Variants in SYTL5 observed in about 807,000 individuals in gnomAD.
The protein encoded by SYTL5 is synaptotagmin-like protein 5.
In SYTL5, 34 loss-of-function variants were observed where a neutral mutation model predicts 55.9. The ratio of observed to expected loss-of-function variants is 0.61; its 90% CI spans 0.46 to 0.81. The LOEUF (loss-of-function observed/expected upper bound fraction) is 0.81. Among genes scored for constraint, SYTL5 ranks in the 30% least tolerant of loss-of-function variants. The pLI, the probability that SYTL5 is intolerant of heterozygous loss-of-function variation, is 0.00. For missense variants in SYTL5, 637 were observed against 546.7 expected (o/e 1.17, Z -1.65); for synonymous variants, 221 against 188.7 (o/e 1.17, Z -1.40).
chrX:37,928,756 C>T, the SYTL5 span, among the ~76,000 whole-genome samples: 5 of 112,189 alleles, frequency 4.5e-5, no homozygotes, highest in Non-Finnish European at 9.4e-5. Flanking sequence ...ATTATAATAA[C>T]TCATCCCTGA....
At position 38,125,515 on chromosome X, in the gene SYTL5, T is replaced by C. The variant is rs377379434; in HGVS notation, c.2050+9T>C. On this transcript the variant is annotated intron_variant, in intron 16 of 16. Transcript: ENST00000297875. ...TTTGAATTCTGGAAGTGGTGAGGGATTTGGGGACCCACAGGGATGGTCTGT... is the reference window on the plus strand; with the variant it reads ...TTTGAATTCTGGAAGTGGTGAGGGACTTGGGGACCCACAGGGATGGTCTGT... 3.3e-6 allele frequency: 4 copies of C among 1,199,741 alleles called. No homozygotes were observed. The African/African-American group carries it at 5.3e-5, about 16-fold the overall frequency.
At chrX:38,089,330 G>A in intron 6 of SYTL5, 116 bp from the exon 7 acceptor site, 1 of 835,705 alleles carries the variant, frequency 1.2e-6, no homozygotes, top group Non-Finnish European at 1.7e-6. Flanking sequence ...TGTGACTCTT[G>A]TGAACTCAGT....
At chrX:37,910,052 G>A in the SYTL5 span, among the ~76,000 whole-genome samples, 2 of 111,398 alleles carry the variant, frequency 1.8e-5, no homozygotes, top group Non-Finnish European at 3.8e-5. Flanking sequence ...TGGAACCCAG[G>A]TATCAATATT....
chrX:37,968,120 A>ATC, the SYTL5 span, among the ~76,000 whole-genome samples: 1 of 110,455 alleles, frequency 9.1e-6, no homozygotes, highest in Non-Finnish European at 1.9e-5. Context: ...TAAATCAAAT[A>ATC]TCTCCATACC....
At chrX:38,025,138 T>C (rs1426991625) in intron 1 of SYTL5, among the ~76,000 whole-genome samples, 1 of 112,239 alleles carries the variant, frequency 8.9e-6, no homozygotes, top group Non-Finnish European at 1.9e-5. Context: ...AAGGGTATTT[T>C]GCGTATGTGA....
At chrX:37,984,651 C>T in the SYTL5 span, among the ~76,000 whole-genome samples, 2 of 110,970 alleles carry the variant, frequency 1.8e-5, no homozygotes, top group South Asian at 3.7e-4. Context: ...CCAGCATTGC[C>T]CAGATACCAA....
At chrX:37,928,940 T>C in the SYTL5 span, among the ~76,000 whole-genome samples, 1 of 112,369 alleles carries the variant, frequency 8.9e-6, no homozygotes. Flanking sequence ...ATATGTGCTT[T>C]AGAATATTTA....
chrX:37,957,295 G>T, the SYTL5 span, among the ~76,000 whole-genome samples: 1 of 111,163 alleles, frequency 9.0e-6, no homozygotes, highest in African/African-American at 3.3e-5. Context: ...AGTCCCCTTT[G>T]TCTATTTTTT....
chrX:37,983,679 G>T, the SYTL5 span, among the ~76,000 whole-genome samples: 1 of 112,128 alleles, frequency 8.9e-6, no homozygotes, highest in Non-Finnish European at 1.9e-5. Flanking sequence ...ACCCAACAAA[G>T]TAGGATGTTT....
chrX:37,914,940 C>T, the SYTL5 span, among the ~76,000 whole-genome samples: 16 of 111,297 alleles, frequency 1.4e-4, no homozygotes, highest in South Asian at 4.6e-3. Context: ...TACAAGATTC[C>T]GTTTTTCTTA....
the SYTL5 span, among the ~76,000 whole-genome samples, chrX:37,940,430 G>A: frequency 5.3e-4 from 54 of 102,531 alleles, 1 homozygote; most frequent in African/African-American, 1.7e-3. Context: ...GCAGTGAGCC[G>A]AGATCGCGCC....
rs183079256 is a variant in SYTL5, at chrX:38,023,696, G to A, written c.-356-9838G>A. On this transcript the variant is annotated intron_variant, in intron 1 of 16. Coordinates refer to ENST00000297875, the MANE Select transcript of SYTL5 (RefSeq NM_138780.3). ...CGGTATTGCTCTCTTTTCCAGCTTCGAGAGCTTCTAACTCTAATAGATTCT... is the reference window on the plus strand; with the variant it reads ...CGGTATTGCTCTCTTTTCCAGCTTCAAGAGCTTCTAACTCTAATAGATTCT... Among the ~76,000 whole-genome samples, 20 of 110,757 alleles carry A rather than the reference G, an allele frequency of 1.8e-4. No homozygotes were observed. The East Asian group carries it at 3.1e-3, about 17-fold the overall frequency.
At chrX:38,075,337 A>G (rs181912162) in intron 5 of SYTL5, among the ~76,000 whole-genome samples, 2 of 111,942 alleles carry the variant, frequency 1.8e-5, no homozygotes, top group Admixed American at 9.5e-5. Flanking sequence ...AAAATTTAAG[A>G]TGGCAATGTG....
intron 2 of SYTL5, among the ~76,000 whole-genome samples, chrX:38,051,797 C>T (rs1218548831): frequency 2.7e-5 from 3 of 111,236 alleles, no homozygotes; most frequent in African/African-American, 9.8e-5. Context: ...TAACAGAAGG[C>T]TGTGATATCT....
intron 6 of SYTL5, among the ~76,000 whole-genome samples, chrX:38,081,680 G>C (rs1936534587): frequency 8.9e-6 from 1 of 111,890 alleles, no homozygotes; most frequent in Non-Finnish European, 1.9e-5. Context: ...GTTATTGTGG[G>C]CAACTAGAGC....
rs756417936 is a variant in SYTL5, at chrX:38,118,221, A to G, written c.1597-2137A>G. ...TTTTTGCCCCGGGTAAGAAGGTTGA[A>G]TAAAATATTTCAAGCATTTTTCCCA... On this transcript the variant is annotated intron_variant, in intron 13 of 16. Transcript: ENST00000297875. 1.7e-3 allele frequency among the ~76,000 whole-genome samples: 194 copies of G among 112,147 alleles called. 1 individual carries two copies. Among genetic ancestry groups the G allele is most frequent in the Non-Finnish European group, 3.2e-3 (171 of 53,224 alleles).
the SYTL5 span, among the ~76,000 whole-genome samples, chrX:37,904,265 C>CGG: frequency 1.9e-3 from 120 of 63,124 alleles, no homozygotes; most frequent in Non-Finnish European, 2.5e-3. Flanking sequence ...TGGGGTGGTC[C>CGG]GGGGGGGGGG....
chrX:37,945,792 G>C, the SYTL5 span: 1 of 120,377 alleles, frequency 8.3e-6, no homozygotes, highest in Non-Finnish European at 1.8e-5. Flanking sequence ...GCTAAAACAG[G>C]TGGAATGACA....
chrX:37,891,099 C>A, the SYTL5 span, among the ~76,000 whole-genome samples: 1 of 111,562 alleles, frequency 9.0e-6, no homozygotes, highest in African/African-American at 3.3e-5. Context: ...ACATAGAGTA[C>A]CATATGATCC....
Sources: allele counts gnomAD v4.1 joint callset (sites outside exome capture counted in the v4.1 genomes callset), GRCh38; gene constraint gnomAD v4.1.1; transcripts MANE v1.5; gene names NCBI Gene and HGNC (gene_info 2026-07-23, HGNC 2026-07-21).